CUX2: variants seen among roughly 807,000 people sequenced by gnomAD.
CUX2 encodes the protein homeobox protein cut-like 2.
Under a neutral mutation model 144.8 loss-of-function variants are expected in CUX2, and 40 were observed. The observed-to-expected ratio is 0.28, with a 90% confidence interval of 0.21 to 0.36. The LOEUF (loss-of-function observed/expected upper bound fraction) is 0.36. CUX2 is among the 10% of genes least tolerant of loss of function. The pLI is 1.00. For synonymous variants in CUX2, 827 were observed against 875.6 expected (o/e 0.94, Z 0.98); for missense variants, 1,615 against 1,994.0 (o/e 0.81, Z 3.62).
chr12:111,100,747 C>A (rs988245128), intron 1 of CUX2, among the ~76,000 whole-genome samples: 1 of 152,190 alleles, frequency 6.6e-6, no homozygotes, highest in African/African-American at 2.4e-5. Context: ...ACACGTTGCA[C>A]AGGAGGGTGT....
At chr12:111,092,887 T>A (rs950865570) in intron 1 of CUX2, among the ~76,000 whole-genome samples, 1 of 150,224 alleles carries the variant, frequency 6.7e-6, no homozygotes, top group Non-Finnish European at 1.5e-5. Flanking sequence ...CGATCATGGC[T>A]TACTACAGCC....
At chr12:111,180,823 C>T (rs1352397302) in intron 1 of CUX2, among the ~76,000 whole-genome samples, 2 of 152,124 alleles carry the variant, frequency 1.3e-5, no homozygotes, top group African/African-American at 4.8e-5. Context: ...CGAGGCTCCC[C>T]TGAGTTATTG....
chr12:111,099,253 C>T (rs949347280), intron 1 of CUX2, among the ~76,000 whole-genome samples: 2 of 152,206 alleles, frequency 1.3e-5, no homozygotes, highest in Admixed American at 6.5e-5. Context: ...GCCAAAGGCT[C>T]GGAGGTGGGC....
chr12:111,101,482 C>T (rs2136069033), intron 1 of CUX2, among the ~76,000 whole-genome samples: 1 of 152,346 alleles, frequency 6.6e-6, no homozygotes. Context: ...GATCTCTGTC[C>T]CTGTCCGGCT....
intron 1 of CUX2, among the ~76,000 whole-genome samples, chr12:111,064,578 G>A (rs1013835260): frequency 6.6e-6 from 1 of 152,172 alleles, no homozygotes; most frequent in Admixed American, 6.5e-5. Flanking sequence ...ATATGATGGA[G>A]ACTTAGCATT....
At position 111,295,316 on chromosome 12, in the gene CUX2, G is replaced by T. The variant is rs754576124; in HGVS notation, c.561-17G>T. 9.3e-6 allele frequency: 15 copies of T among 1,610,512 alleles called. No individual in the cohort carries two copies. Among genetic ancestry groups the T allele is most frequent in the Middle Eastern group, 1.6e-4 (1 of 6,078 alleles). ...CTGTCCCTGCAGCCAGCACAAGCAG[G>T]CCTCGTCTCTCCGCAGGGGCCTTCA... is the stretch of plus-strand genomic sequence containing the variant. On this transcript the variant is annotated splice_polypyrimidine_tract_variant and intron_variant, in intron 6 of 21. Transcript: ENST00000261726. This position sits in a 1 kb window ranked among gnomAD's most constrained non-coding sequence, Gnocchi z 5.0.
rs1045958646 is a variant in CUX2 at position 111,263,381 on chromosome 12, A to T, written c.223-380A>T. Among the ~76,000 whole-genome samples, 1 of 152,204 alleles carries T rather than the reference A, an allele frequency of 6.6e-6. No homozygotes were observed. Among genetic ancestry groups the T allele is most frequent in the African/African-American group, 2.4e-5 (1 of 41,462 alleles). The stretch of plus-strand genomic sequence containing the variant: ...AGAACTTTGGGAGGCCAAGGTGGGC[A>T]GATAACCTGAGGTCAAGAGTTTGAG... On this transcript the variant is annotated intron_variant, in intron 3 of 21. Coordinates refer to ENST00000261726, the MANE Select transcript of CUX2 (RefSeq NM_015267.4). The surrounding 1 kb of genome is among the most constrained non-coding windows in gnomAD (Gnocchi z 4.0).
At chr12:111,131,674 G>A (rs1875490028) in intron 1 of CUX2, among the ~76,000 whole-genome samples, 1 of 152,152 alleles carries the variant, frequency 6.6e-6, no homozygotes, top group South Asian at 2.1e-4. Flanking sequence ...AAAACAAAGG[G>A]GTTACAGGGC....
chr12:111,188,613 C>T (rs774684331), intron 1 of CUX2, among the ~76,000 whole-genome samples: 4 of 151,916 alleles, frequency 2.6e-5, no homozygotes, highest in African/African-American at 9.7e-5. Flanking sequence ...GGCCAAAGAA[C>T]GTCAGAGTGG....
chr12:111,320,722 G>A lies in CUX2; in HGVS notation c.2713G>A (p.Val905Ile). The change falls in exon 17 of 22, where the codon GTC becomes ATC. Residue 905 changes from valine (V) to isoleucine (I), a missense_variant. Coordinates refer to ENST00000261726, the MANE Select transcript of CUX2 (RefSeq NM_015267.4). The surrounding 1 kb of genome is among the most constrained non-coding windows in gnomAD (Gnocchi z 8.1). Reference sequence around the variant, plus strand: ...AGACACGCTGGAGCTCACCCGCCAGGTCAAGGAGAAGCTGGCCAAGAACGG... The same window carrying A: ...AGACACGCTGGAGCTCACCCGCCAGATCAAGGAGAAGCTGGCCAAGAACGG... ...EVDTLELTRQ[V>I]KEKLAKNGIC... The A allele has an allele frequency of 6.3e-7, 1 of 1,588,572 alleles. No homozygotes were observed. Among genetic ancestry groups the A allele is most frequent in the South Asian group, 1.1e-5 (1 of 89,994 alleles).
intron 1 of CUX2, among the ~76,000 whole-genome samples, chr12:111,134,620 C>CTCTCTCTCTGTGTG (rs1026548098): frequency 4.9e-5 from 7 of 142,208 alleles, no homozygotes; most frequent in African/African-American, 1.7e-4. Flanking sequence ...CTCTCTCTCT[C>CTCTCTCTCTGTGTG]TGTGTGTGTG....
chr12:111,098,847 T>C (rs12317840), intron 1 of CUX2, among the ~76,000 whole-genome samples: 1 of 152,230 alleles, frequency 6.6e-6, no homozygotes, highest in African/African-American at 2.4e-5. Flanking sequence ...CATTTATTCA[T>C]GCACTTAGCA....
chr12:111,166,828 G>A (rs1254341442), intron 1 of CUX2, among the ~76,000 whole-genome samples: 1 of 152,116 alleles, frequency 6.6e-6, no homozygotes, highest in African/African-American at 2.4e-5. Context: ...AACAGCAACC[G>A]TCCAACTTTC....
At chr12:111,284,721 GCT>G (rs1592917183) in intron 4 of CUX2, among the ~76,000 whole-genome samples, 1 of 152,280 alleles carries the variant, frequency 6.6e-6, no homozygotes, top group East Asian at 1.9e-4. Context: ...CGCACTTTGA[GCT>G]CACCTCCCGC....
At chr12:111,297,837 T>C (rs1471538374) in intron 8 of CUX2, among the ~76,000 whole-genome samples, 2 of 152,090 alleles carry the variant, frequency 1.3e-5, no homozygotes, top group South Asian at 2.1e-4. Flanking sequence ...TCTTGGCACA[T>C]GGCAAATGCT....
rs1271002566 is a variant in CUX2 at position 111,287,982 on chromosome 12, G to A, written c.302-3436G>A. Among the ~76,000 whole-genome samples the A allele has an allele frequency of 2.6e-5, 4 of 152,198 alleles. No homozygotes were observed. ...ACATGCAGTCTGGCCTTGCCTTGTC[G>A]AGTTTGCAGTCCAGTGGGTGTTAAT... On this transcript the variant is annotated intron_variant, in intron 4 of 21. Coordinates refer to ENST00000261726, the MANE Select transcript of CUX2 (RefSeq NM_015267.4). This position sits in a 1 kb window ranked among gnomAD's most constrained non-coding sequence, Gnocchi z 4.2.
Position 111,322,638 on chromosome 12 carries a change from G to T in CUX2, c.2926+58G>T. 6.4e-7 allele frequency: 1 copy of T among 1,572,832 alleles called. No individual in the cohort carries two copies. Among genetic ancestry groups the T allele is most frequent in the South Asian group, 1.1e-5 (1 of 87,130 alleles). ...TGGCAAACTTCCCACCTGCGCAGTGGCATGTCCGCCTGGCTTTACTGCCCG... is the reference window on the plus strand; with the variant it reads ...TGGCAAACTTCCCACCTGCGCAGTGTCATGTCCGCCTGGCTTTACTGCCCG... On this transcript the variant is annotated intron_variant, in intron 18 of 21. Coordinates refer to ENST00000261726, the MANE Select transcript of CUX2 (RefSeq NM_015267.4). The surrounding 1 kb of genome is among the most constrained non-coding windows in gnomAD (Gnocchi z 4.2).
intron 1 of CUX2, among the ~76,000 whole-genome samples, chr12:111,179,716 C>T (rs1879055081): frequency 6.6e-6 from 1 of 150,932 alleles, no homozygotes; most frequent in African/African-American, 2.4e-5. Context: ...TCACTCTGTA[C>T]CCCAGGCTGG....
intron 3 of CUX2, among the ~76,000 whole-genome samples, chr12:111,242,443 G>T (rs777468065): frequency 6.6e-6 from 1 of 152,218 alleles, no homozygotes; most frequent in Non-Finnish European, 1.5e-5. Context: ...TTGCAACAGA[G>T]ATCAGGTGGC....
Sources: gnomAD v4.1 joint callset for allele counts (sites outside exome capture counted in the v4.1 genomes callset) on GRCh38, gnomAD v4.1.1 for gene constraint, Gnocchi (gnomAD v3.1) non-coding constraint, MANE v1.5 for transcripts, NCBI Gene and HGNC (gene_info 2026-07-23, HGNC 2026-07-21) for gene names.